Variants in KLF11 observed in about 807,000 individuals in gnomAD.
The protein encoded by KLF11 is KLF transcription factor 11, also known as Krueppel-like factor 11.
Under a neutral mutation model 29.9 loss-of-function variants are expected in KLF11, and 26 were observed. The observed-to-expected ratio is 0.87, with a 90% confidence interval of 0.64 to 1.21. KLF11 has a LOEUF of 1.21. Among genes scored for constraint, KLF11 ranks in the 50% most tolerant of loss-of-function variants. The probability of loss-of-function intolerance (pLI) is 0.00; values close to 1 mark genes in which losing one functional copy is unlikely to be tolerated. For synonymous variants in KLF11, 318 were observed against 257.4 expected (o/e 1.24, Z -2.25); for missense variants, 778 against 665.7 (o/e 1.17, Z -1.86).
In KLF11 at chr2:10,045,377, T is replaced by G. The variant is rs1318152418; in HGVS notation, c.43-773T>G. 2.0e-5 allele frequency among the ~76,000 whole-genome samples: 3 copies of G among 150,958 alleles called. No homozygotes were observed. In the East Asian group the frequency reaches 5.9e-4, roughly 30 times the overall value. ...CAGTTCAAGGCCAGCTTGACCAACA[T>G]AGCAAAACTCTCTTTCTACTAAAAA... On this transcript the variant is annotated intron_variant, in intron 1 of 3. Coordinates refer to ENST00000305883, the MANE Select transcript of KLF11 (RefSeq NM_003597.5).
intron 1 of KLF11, chr2:10,044,025 C>G (rs1661091540): frequency 8.3e-6 from 6 of 724,562 alleles, no homozygotes; most frequent in Non-Finnish European, 6.8e-6. Context: ...CCCCGCTGGC[C>G]CCGCGGCTAT....
At position 10,046,335 on chromosome 2, in the gene KLF11, T is replaced by C. The variant is rs754720351; in HGVS notation, c.228T>C (p.Ser76=). 6.2e-7 allele frequency: 1 copy of C among 1,614,202 alleles called. No individual in the cohort carries two copies. The highest frequency in any genetic ancestry group is 1.1e-5 in the South Asian group (1 of 91,086). Residue 76 remains serine (S), a synonymous_variant, in exon 2 of 4, where the codon TCT becomes TCC. Coordinates refer to ENST00000305883, the MANE Select transcript of KLF11 (RefSeq NM_003597.5). ...GGATAAGACCCCTCACGCCTGTCTC[T>C]GACTCTGGGGATGTCACCACCACTG... is the stretch of plus-strand genomic sequence containing the variant. ...LLRIRPLTPV[S]DSGDVTTTVH... is the part of the protein sequence containing the mutation.
intron 1 of KLF11, among the ~76,000 whole-genome samples, chr2:10,045,540 G>T (rs1661167631): frequency 6.6e-6 from 1 of 152,226 alleles, no homozygotes; most frequent in African/African-American, 2.4e-5. Context: ...GTTCGCGGCA[G>T]GTTGGCTTCT....
At chr2:10,044,865 GTC>G (rs1418480976) in intron 1 of KLF11, among the ~76,000 whole-genome samples, 1 of 152,156 alleles carries the variant, frequency 6.6e-6, no homozygotes, top group African/African-American at 2.4e-5. Context: ...GACGGTGAGG[GTC>G]TGGTGCGGTG....
At chr2:10,049,651 C>T (rs190986730) in intron 3 of KLF11, among the ~76,000 whole-genome samples, 156 of 152,340 alleles carry the variant, frequency 1.0e-3, no homozygotes, top group African/African-American at 3.5e-3. Context: ...TACTGAAACC[C>T]TCTGAGGGCC....
In KLF11 at chr2:10,052,773, C is replaced by A; in HGVS notation, c.*266C>A. 1 of 460,162 alleles carries A rather than the reference C, an allele frequency of 2.2e-6. No individual in the cohort carries two copies. Among genetic ancestry groups the A allele is most frequent in the Non-Finnish European group, 3.8e-6 (1 of 260,182 alleles). 28.5% of individuals were successfully genotyped at this position (460,162 alleles called of 1,614,324 possible). On this transcript the variant is annotated 3_prime_UTR_variant, in exon 4 of 4. Transcript: ENST00000305883. ...AAAATTTGATAATCTGAATCACCAG[C>A]ATTCAAACAAATATTTCGGCAATAA...
intron 2 of KLF11, among the ~76,000 whole-genome samples, chr2:10,046,988 G>C (rs1282459035): frequency 6.6e-6 from 1 of 152,226 alleles, no homozygotes; most frequent in African/African-American, 2.4e-5. Flanking sequence ...ATTAATGTGA[G>C]AAAGTGAAAT....
chr2:10,048,264 G>T lies in KLF11; in HGVS notation c.927G>T (p.Leu309Phe), dbSNP rs766954622. 6.2e-7 allele frequency: 1 copy of T among 1,609,478 alleles called. No individual in the cohort carries two copies. The highest frequency in any genetic ancestry group is 8.5e-7 in the Non-Finnish European group (1 of 1,177,096). Residue 309 changes from leucine to phenylalanine, a missense_variant, in exon 3 of 4, where the codon TTG (leucine) becomes TTT (phenylalanine). By Grantham distance (22) the Leu-to-Phe change is conservative (BLOSUM62 0). Coordinates refer to ENST00000305883, the MANE Select transcript of KLF11 (RefSeq NM_003597.5). ...LPAFLKPPPQ[L>F]SVGTVRPILA... ...CTTTTTTGAAGCCCCCTCCCCAGTT[G>T]TCTGTGGGGACTGTGAGACCCATCC...
chr2:10,047,435 A>T (rs749716585), intron 2 of KLF11, among the ~76,000 whole-genome samples: 3 of 152,222 alleles, frequency 2.0e-5, no homozygotes, highest in African/African-American at 7.2e-5. Flanking sequence ...AGTTCCCTGC[A>T]CTGGGCTCTT....
chr2:10,044,123 G>T, intron 1 of KLF11: 1 of 141,832 alleles, frequency 7.1e-6, no homozygotes, highest in African/African-American at 8.1e-5. Context: ...GCGGCCTTGG[G>T]GGCGGGGCAA....
At chr2:10,051,744 T>C (rs1055791749) in intron 3 of KLF11, among the ~76,000 whole-genome samples, 11 of 151,532 alleles carry the variant, frequency 7.3e-5, no homozygotes, top group East Asian at 5.9e-4. Flanking sequence ...GTCTCGGTCT[T>C]CTGACTTTGT....
rs1490532777 is a variant in KLF11, at chr2:10,047,932, G to A, written c.595G>A (p.Asp199Asn). Residue 199 changes from aspartate (D) to asparagine (N), a missense_variant, in exon 3 of 4, where the codon GAC becomes AAC. Coordinates refer to ENST00000305883, the MANE Select transcript of KLF11 (RefSeq NM_003597.5). ...TIQTPDCRLSDSREGEEQLLG... is the reference protein window; with the variant it reads ...TIQTPDCRLSNSREGEEQLLG... ...CCAGACTCCAGATTGCCGGCTTTCT[G>A]ACAGCAGAGAAGGAGAAGAGCAGCT... is the stretch of plus-strand genomic sequence containing the variant. The A allele has an allele frequency of 6.2e-7, 1 of 1,613,720 alleles. No individual in the cohort carries two copies. Among genetic ancestry groups the A allele is most frequent in the Non-Finnish European group, 8.5e-7 (1 of 1,180,048 alleles).
chr2:10,045,989 C>G (rs1661185317), intron 1 of KLF11, among the ~76,000 whole-genome samples, 161 bp from the exon 2 acceptor site: 1 of 152,224 alleles, frequency 6.6e-6, no homozygotes, highest in South Asian at 2.1e-4. Context: ...ATGAGCATTC[C>G]TTGAATGTCT....
chr2:10,043,699 TCC>T lies in KLF11; in HGVS notation c.-16_-15del. ...TCACGCCCCGCGGCCGCTTTGTTGC[TCC>T]CGGCCGGCCTGCACGATGCACACGC... On this transcript the variant is annotated 5_prime_UTR_variant, in exon 1 of 4. Transcript: ENST00000305883. The T allele has an allele frequency of 7.6e-7, 1 of 1,320,762 alleles. No homozygotes were observed. Among genetic ancestry groups the T allele is most frequent in the Non-Finnish European group, 9.8e-7 (1 of 1,017,466 alleles). 81.8% of individuals were successfully genotyped at this position (1,320,762 alleles called of 1,614,324 possible). A position where few individuals can be genotyped will look rare whatever the true frequency, so the allele number is the denominator to read the frequency against.
At chr2:10,043,786 C>T (rs1229190099) in intron 1 of KLF11, 28 bp downstream of exon 1, 15 of 1,359,804 alleles carry the variant, frequency 1.1e-5, no homozygotes, top group South Asian at 2.6e-5. Flanking sequence ...CGCGGCGGGA[C>T]TACTCGTCTG....
rs386389509 is a variant in KLF11 at position 10,050,892 on chromosome 2, CTT to C, written c.1259-1309_1259-1308del. ...GTAAGGTAGAGTGAATAGATGCTAC[CTT>C]TTTTTTTTTTTTTTTTTTTTTTTTT... On this transcript the variant is annotated intron_variant, in intron 3 of 3. Coordinates refer to ENST00000305883, the MANE Select transcript of KLF11 (RefSeq NM_003597.5). Among the ~76,000 whole-genome samples, 5 of 54,826 alleles carry C rather than the reference CTT, an allele frequency of 9.1e-5. No homozygotes were observed. The East Asian group carries it at 2.4e-3, about 27-fold the overall frequency. The allele number at this position is 54,826 out of a possible 152,430, so 36.0% of individuals were successfully genotyped here.
Position 10,052,390 on chromosome 2 carries a change from G to C in KLF11, c.1422G>C (p.Arg474=), listed in dbSNP as rs770103314. ...MRSDHLTKHA[R]RHMTTKKIPG... ...GTGACCACCTGACGAAGCATGCCCG[G>C]CGCCACATGACGACCAAGAAGATCC... is the stretch of plus-strand genomic sequence containing the variant. Residue 474 remains arginine (R), a synonymous_variant, in exon 4 of 4, where the codon CGG becomes CGC. Coordinates refer to ENST00000305883, the MANE Select transcript of KLF11 (RefSeq NM_003597.5). 1.2e-5 allele frequency: 19 copies of C among 1,614,018 alleles called. No individual in the cohort carries two copies. Among genetic ancestry groups the C allele is most frequent in the Middle Eastern group, 1.6e-4 (1 of 6,084 alleles).
At chr2:10,051,468 A>G (rs1194500717) in intron 3 of KLF11, among the ~76,000 whole-genome samples, 3 of 152,074 alleles carry the variant, frequency 2.0e-5, no homozygotes, top group Admixed American at 2.0e-4. Context: ...CGGCCTCCCA[A>G]AATGCTGGGA....
At position 10,048,518 on chromosome 2, in the gene KLF11, A is replaced by G. The variant is rs1403785742; in HGVS notation, c.1181A>G (p.Tyr394Cys). The change falls in exon 3 of 4, where the codon TAT becomes TGT. Residue 394 changes from tyrosine to cysteine, a missense_variant. Transcript: ENST00000305883. The part of the protein sequence containing the change: ...PQVDFSRRRN[Y>C]VCSFPGCRKT... ...GTAGACTTTTCCCGAAGGAGGAACT[A>G]TGTATGCAGCTTCCCAGGTTGCCGG... 6 of 1,613,438 alleles carry G rather than the reference A, an allele frequency of 3.7e-6. No homozygotes were observed. The highest frequency in any genetic ancestry group is 2.2e-5 in the South Asian group (2 of 91,084).
Sources: allele counts gnomAD v4.1 joint callset (sites outside exome capture counted in the v4.1 genomes callset), GRCh38; gene constraint gnomAD v4.1.1; transcripts MANE v1.5; gene names NCBI Gene and HGNC (gene_info 2026-07-23, HGNC 2026-07-21).